Variants in PLD5 observed in about 807,000 individuals in gnomAD.
The protein encoded by PLD5 is inactive phospholipase D5.
A neutral mutation model predicts 61.1 loss-of-function variants in PLD5; 36 were observed. The ratio of observed to expected loss-of-function variants is 0.59; its 90% CI spans 0.45 to 0.78. The LOEUF (loss-of-function observed/expected upper bound fraction) is 0.78. Ranked by LOEUF, PLD5 falls within the 30% of genes least tolerant of loss-of-function variation. The pLI is 0.00. For synonymous variants in PLD5, 243 were observed against 242.8 expected (o/e 1.00, Z -0.01); for missense variants, 515 against 644.4 (o/e 0.80, Z 2.17).
At chr1:242,525,185 T>C (rs1669412748), upstream of PLD5, among the ~76,000 whole-genome samples, 1 of 152,218 alleles carries the variant, frequency 6.6e-6, no homozygotes, top group African/African-American at 2.4e-5. Flanking sequence ...ATGTGTTTTC[T>C]GGAGCCGTAC....
intron 1 of PLD5, among the ~76,000 whole-genome samples, chr1:242,502,543 GA>G (rs1668586466): frequency 1.3e-5 from 2 of 152,062 alleles, no homozygotes; most frequent in Admixed American, 1.3e-4. Context: ...TTAAATAAAA[GA>G]TACCTTTTCT....
At chr1:242,396,958 G>A (rs1343744437) in intron 1 of PLD5, among the ~76,000 whole-genome samples, 11 of 152,032 alleles carry the variant, frequency 7.2e-5, no homozygotes, top group Non-Finnish European at 1.5e-5. Context: ...GATTACAGGC[G>A]TGAGCTACCA....
At chr1:242,419,915 C>T (rs112809597) in intron 1 of PLD5, among the ~76,000 whole-genome samples, 28 of 152,242 alleles carry the variant, frequency 1.8e-4, no homozygotes, top group African/African-American at 6.7e-4. Flanking sequence ...TAGCTTCCAA[C>T]TACTTTAAGG....
chr1:242,337,971 G>T (rs950375588), intron 2 of PLD5, among the ~76,000 whole-genome samples: 8 of 152,108 alleles, frequency 5.3e-5, no homozygotes, highest in African/African-American at 1.9e-4. Context: ...TAGACTCACA[G>T]TTCAAAGTTT....
chr1:242,471,394 C>T (rs536588432), intron 1 of PLD5, among the ~76,000 whole-genome samples: 1 of 152,184 alleles, frequency 6.6e-6, no homozygotes, highest in Non-Finnish European at 1.5e-5. Context: ...TTGCAGCTGC[C>T]TATGAGGCAG....
intron 5 of PLD5, among the ~76,000 whole-genome samples, chr1:242,135,999 C>T (rs1333910439): frequency 6.6e-6 from 1 of 151,928 alleles, no homozygotes; most frequent in South Asian, 2.1e-4. Flanking sequence ...TGAACTTGTT[C>T]CTCGGGGTGG....
chr1:242,119,207 C>G (rs1662181006), intron 6 of PLD5, among the ~76,000 whole-genome samples: 1 of 152,112 alleles, frequency 6.6e-6, no homozygotes, highest in Non-Finnish European at 1.5e-5. Context: ...AAATAATCAC[C>G]TTGTACAGAC....
intron 5 of PLD5, among the ~76,000 whole-genome samples, chr1:242,194,010 A>G (rs1318642770): frequency 1.3e-5 from 2 of 152,206 alleles, no homozygotes; most frequent in Non-Finnish European, 1.5e-5. Context: ...CATCTCTTGA[A>G]TATTTAACCA....
upstream of PLD5, among the ~76,000 whole-genome samples, chr1:242,526,376 G>A (rs540644476): frequency 2.4e-4 from 36 of 152,256 alleles, 1 homozygote; most frequent in South Asian, 7.1e-3. Context: ...AGACCCTGTC[G>A]GAGGTGAGGC....
At chr1:242,466,886 C>T (rs1016448646) in intron 1 of PLD5, among the ~76,000 whole-genome samples, 69 of 139,244 alleles carry the variant, frequency 5.0e-4, no homozygotes, top group African/African-American at 1.9e-3. Flanking sequence ...GAGTGAGACT[C>T]CATCTCAAAA....
At chr1:242,452,228 T>C (rs1459399785) in intron 1 of PLD5, among the ~76,000 whole-genome samples, 1 of 152,054 alleles carries the variant, frequency 6.6e-6, no homozygotes, top group East Asian at 1.9e-4. Context: ...TTTTTTCAAA[T>C]AAGTTAACCT....
intron 1 of PLD5, among the ~76,000 whole-genome samples, chr1:242,387,650 ATTTTATATAAAATTTTATC>A (rs1662674013): frequency 1.8e-5 from 1 of 54,464 alleles, no homozygotes; most frequent in Non-Finnish European, 4.6e-5. Flanking sequence ...AATTTTATCT[ATTTTATATAAAATTTTATC>A]TATTTTATAT....
At chr1:242,332,399 A>C (rs1194303474) in intron 2 of PLD5, among the ~76,000 whole-genome samples, 1 of 152,216 alleles carries the variant, frequency 6.6e-6, no homozygotes, top group Non-Finnish European at 1.5e-5. Context: ...GTATATACCC[A>C]GTAATGGAAT....
intron 5 of PLD5, among the ~76,000 whole-genome samples, chr1:242,172,516 ATAAC>A (rs1666824563): frequency 6.6e-6 from 1 of 152,196 alleles, no homozygotes; most frequent in Non-Finnish European, 1.5e-5. Flanking sequence ...AAGACAAGAA[ATAAC>A]TAAGATCAGA....
At chr1:242,096,617 C>G (rs1173709868) in intron 9 of PLD5, among the ~76,000 whole-genome samples, 1 of 151,832 alleles carries the variant, frequency 6.6e-6, no homozygotes, top group Non-Finnish European at 1.5e-5. Context: ...GCTGGGATTA[C>G]AAGGGTGAGC....
At position 242,334,324 on chromosome 1, in the gene PLD5, C is replaced by T. The variant is rs555484075; in HGVS notation, c.326+13782G>A. Among the ~76,000 whole-genome samples the T allele has an allele frequency of 9.2e-5, 14 of 152,280 alleles. No homozygotes were observed. In the South Asian group the frequency reaches 2.9e-3, roughly 32 times the overall value. On this transcript the variant is annotated intron_variant, in intron 2 of 9. Transcript: ENST00000536534. ...CTGAATCTACACCCAGTATACATTT[C>T]CATCACATCCCAGCAGGTTCAGGAA...
chr1:242,504,433 T>C (rs1273817413), intron 1 of PLD5, among the ~76,000 whole-genome samples: 1 of 152,162 alleles, frequency 6.6e-6, no homozygotes, highest in South Asian at 2.1e-4. Context: ...CTGCAATCCA[T>C]AGGGCCCACT....
chr1:242,324,611 C>A (rs969143716), intron 2 of PLD5, among the ~76,000 whole-genome samples: 1 of 152,074 alleles, frequency 6.6e-6, no homozygotes, highest in African/African-American at 2.4e-5. Flanking sequence ...GCTTGAGGAC[C>A]ACACCTCCCT....
chr1:242,100,909 C>G, intron 8 of PLD5, 127 bp from the exon 9 acceptor site: 1 of 636,190 alleles, frequency 1.6e-6, no homozygotes, highest in Middle Eastern at 3.1e-4. Context: ...AAGCCATAAT[C>G]TTATTACCTC....
Sources: gnomAD v4.1 joint callset for allele counts (sites outside exome capture counted in the v4.1 genomes callset) on GRCh38, gnomAD v4.1.1 for gene constraint, MANE v1.5 for transcripts, NCBI Gene and HGNC (gene_info 2026-07-23, HGNC 2026-07-21) for gene names.